THOC2: variants seen among roughly 807,000 people sequenced by gnomAD.
THOC2 encodes the protein THO complex 2.
THOC2 carries 10 observed loss-of-function variants against 128.4 expected under a neutral mutation model. The ratio of observed to expected loss-of-function variants is 0.08; its 90% CI spans 0.05 to 0.13. THOC2 has a LOEUF of 0.13. Among genes scored for constraint, THOC2 ranks in the 10% least tolerant of loss-of-function variants. THOC2 has a pLI of 1.00. For missense variants in THOC2, 535 were observed against 1,155.7 expected, an observed-to-expected ratio of 0.46 and a Z score of 7.79; for synonymous variants, 393 against 396.9, an observed-to-expected ratio of 0.99 and a Z score of 0.12.
intron 1 of THOC2, among the ~76,000 whole-genome samples, chrX:123,724,574 A>T (rs2051859347): frequency 9.1e-6 from 1 of 110,154 alleles, no homozygotes; most frequent in African/African-American, 3.3e-5. Context: ...AATCCCAGCT[A>T]CTCTACAGGC....
At chrX:123,616,652 G>C (rs1225838296) in intron 33 of THOC2, among the ~76,000 whole-genome samples, 5 of 108,185 alleles carry the variant, frequency 4.6e-5, no homozygotes, top group Non-Finnish European at 9.6e-5. Context: ...GAGAGAGGCT[G>C]ATTAATGGAA....
intron 13 of THOC2, 72 bp downstream of exon 13, chrX:123,645,262 C>A: frequency 1.4e-6 from 1 of 735,435 alleles, no homozygotes; most frequent in South Asian, 2.8e-5. Flanking sequence ...AAAGCTTGTT[C>A]ACAGTAAAAT....
At chrX:123,687,946 G>C (rs746893254) in intron 7 of THOC2, among the ~76,000 whole-genome samples, 7 of 111,847 alleles carry the variant, frequency 6.3e-5, no homozygotes, top group Non-Finnish European at 1.3e-4. Flanking sequence ...ACCTCCCCCT[G>C]TACTTCAAAA....
chrX:123,602,223 C>T (rs2046307501), intron 38 of THOC2: 1 of 112,453 alleles, frequency 8.9e-6, no homozygotes, highest in Non-Finnish European at 1.9e-5. Context: ...CATACCATTT[C>T]GACACAGCAT....
chrX:123,704,856 T>C (rs1211342698), intron 3 of THOC2, among the ~76,000 whole-genome samples: 1 of 111,383 alleles, frequency 9.0e-6, no homozygotes, highest in Non-Finnish European at 1.9e-5. Flanking sequence ...AGACACTGTC[T>C]TGGAGAAAAA....
chrX:123,703,547 C>A (rs774292878), intron 3 of THOC2, 42 bp from the exon 4 acceptor site: 17 of 904,851 alleles, frequency 1.9e-5, no homozygotes, highest in Non-Finnish European at 2.4e-5. Context: ...CAAAAAAGCA[C>A]ACAGCAAGTA....
intron 7 of THOC2, among the ~76,000 whole-genome samples, chrX:123,694,486 G>T (rs2050363736): frequency 9.1e-6 from 1 of 110,002 alleles, no homozygotes; most frequent in Admixed American, 9.6e-5. Flanking sequence ...GTGTTGGCTG[G>T]AGTCCCAGCT....
chrX:123,606,682 G>A (rs1166770010), intron 38 of THOC2, among the ~76,000 whole-genome samples: 1 of 112,116 alleles, frequency 8.9e-6, no homozygotes, highest in Non-Finnish European at 1.9e-5. Flanking sequence ...AATTTGCAAC[G>A]TAGGATTTAG....
chrX:123,671,541 G>A, intron 9 of THOC2, 128 bp downstream of exon 9: 1 of 355,313 alleles, frequency 2.8e-6, no homozygotes, highest in Non-Finnish European at 5.1e-6. Flanking sequence ...CAATGTATTG[G>A]GGCTTCAAAG....
rs2046254916 is a variant in THOC2 at position 123,600,943 on chromosome X, G to A, written c.*414C>T. 1 of 111,823 alleles carries A rather than the reference G, an allele frequency of 8.9e-6. No individual in the cohort carries two copies. Among genetic ancestry groups the A allele is most frequent in the Non-Finnish European group, 1.9e-5 (1 of 53,032 alleles). The allele number at this position is 111,823 out of a possible 1,213,427, so 9.2% of individuals were successfully genotyped here. A position where few individuals can be genotyped will look rare whatever the true frequency, so the allele number is the denominator to read the frequency against. ...ATAAATTAAAACAGTTTTAAAATGAGGTAAAATCAAAAGGGTTCAACAATT... is the reference window on the plus strand; with the variant it reads ...ATAAATTAAAACAGTTTTAAAATGAAGTAAAATCAAAAGGGTTCAACAATT... On this transcript the variant is annotated 3_prime_UTR_variant, in exon 39 of 39. Coordinates refer to ENST00000245838, the MANE Select transcript of THOC2 (RefSeq NM_001081550.2).
chrX:123,729,397 A>G (rs769759324), intron 1 of THOC2, among the ~76,000 whole-genome samples: 47 of 111,829 alleles, frequency 4.2e-4, no homozygotes, highest in Middle Eastern at 9.2e-3. Context: ...CAAAGTCAAG[A>G]CCTTCCATTT....
chrX:123,710,005 A>T (rs1050793238), intron 2 of THOC2, among the ~76,000 whole-genome samples: 2 of 111,757 alleles, frequency 1.8e-5, no homozygotes, highest in Non-Finnish European at 3.8e-5. Context: ...AAATTAATTC[A>T]AGGGAAGGGC....
intron 34 of THOC2, 56 bp from the exon 35 acceptor site, chrX:123,613,764 G>T: frequency 9.2e-7 from 1 of 1,089,202 alleles, no homozygotes. Flanking sequence ...TTGTTTTAAA[G>T]TATTACTTTT....
intron 1 of THOC2, among the ~76,000 whole-genome samples, chrX:123,723,978 G>A (rs1043600658): frequency 1.8e-5 from 2 of 111,255 alleles, no homozygotes; most frequent in African/African-American, 6.5e-5. Context: ...TCTATATTGA[G>A]GTTTCATGAC....
intron 5 of THOC2, 48 bp downstream of exon 5, chrX:123,697,633 C>A: frequency 1.6e-6 from 1 of 641,549 alleles, no homozygotes; most frequent in Admixed American, 3.4e-5. Flanking sequence ...TCTATTACAA[C>A]TGTTTAATGC....
At chrX:123,603,580 C>A in intron 38 of THOC2, 1 of 850,537 alleles carries the variant, frequency 1.2e-6, no homozygotes, top group Non-Finnish European at 1.7e-6. Context: ...TTTGGAATGT[C>A]TCGTCAAGAG....
At chrX:123,713,302 G>A (rs780128424) in intron 1 of THOC2, among the ~76,000 whole-genome samples, 189 of 109,891 alleles carry the variant, frequency 1.7e-3, no homozygotes, top group African/African-American at 6.1e-3. Flanking sequence ...ATGAAACCCC[G>A]TCTTTACTAA....
chrX:123,668,647 A>T (rs763385735), intron 9 of THOC2, among the ~76,000 whole-genome samples: 1 of 112,139 alleles, frequency 8.9e-6, no homozygotes, highest in Non-Finnish European at 1.9e-5. Flanking sequence ...CATTAAAAAC[A>T]TTACAAATTT....
intron 20 of THOC2, 141 bp downstream of exon 20, chrX:123,633,812 G>A (rs1262648662): frequency 2.5e-6 from 1 of 398,362 alleles, no homozygotes; most frequent in Non-Finnish European, 4.3e-6. Context: ...TTCAAAAGGG[G>A]GGCAGGGGTG....
Sources: gnomAD v4.1 joint callset for allele counts (sites outside exome capture counted in the v4.1 genomes callset) on GRCh38, gnomAD v4.1.1 for gene constraint, MANE v1.5 for transcripts, NCBI Gene and HGNC (gene_info 2026-07-23, HGNC 2026-07-21) for gene names.